Variants in EVI5 observed in about 807,000 individuals in gnomAD.
EVI5 encodes ecotropic viral integration site 5.
A neutral mutation model predicts 112.0 loss-of-function variants in EVI5; 73 were observed. The observed-to-expected ratio is 0.65, with a 90% CI of 0.54 to 0.79. The LOEUF is 0.79. Ranked by LOEUF, EVI5 falls within the 30% of genes least tolerant of loss-of-function variation. The pLI is 0.00. For synonymous variants in EVI5, 305 were observed against 319.9 expected, an observed-to-expected ratio of 0.95 and a Z score of 0.50; for missense variants, 900 against 968.8, an observed-to-expected ratio of 0.93 and a Z score of 0.94.
intron 2 of EVI5, among the ~76,000 whole-genome samples, chr1:92,723,019 C>T (rs910986528): frequency 6.6e-6 from 1 of 152,122 alleles, no homozygotes; most frequent in African/African-American, 2.4e-5. Context: ...AGGTCCTATT[C>T]CTGGGGCTCA....
intron 14 of EVI5, among the ~76,000 whole-genome samples, chr1:92,635,196 C>G (rs1285718319): frequency 6.6e-6 from 1 of 152,208 alleles, no homozygotes; most frequent in Admixed American, 6.5e-5. Flanking sequence ...AACCACTACT[C>G]TCTTCAAAGC....
intron 13 of EVI5, among the ~76,000 whole-genome samples, chr1:92,652,604 C>T (rs1662323781): frequency 1.3e-5 from 2 of 152,158 alleles, no homozygotes; most frequent in Admixed American, 6.5e-5. Context: ...TTTATTGCAA[C>T]ACTACTCACA....
intron 19 of EVI5, among the ~76,000 whole-genome samples, chr1:92,554,116 A>C (rs1279523240): frequency 1.3e-5 from 2 of 152,196 alleles, no homozygotes; most frequent in Non-Finnish European, 1.5e-5. Flanking sequence ...TCTGAATGTC[A>C]AGTTGGACAA....
At chr1:92,708,878 A>G (rs934555211) in intron 2 of EVI5, among the ~76,000 whole-genome samples, 45 of 152,172 alleles carry the variant, frequency 3.0e-4, no homozygotes, top group Non-Finnish European at 4.4e-5. Context: ...ATATTCCATG[A>G]ATACATTTAT....
intron 1 of EVI5, among the ~76,000 whole-genome samples, chr1:92,748,401 C>G (rs568078937): frequency 6.6e-6 from 1 of 152,322 alleles, no homozygotes; most frequent in Admixed American, 6.5e-5. Context: ...GCCCCAGACT[C>G]TAAGTCTTCC....
At chr1:92,568,521 G>A (rs559345334) in intron 18 of EVI5, among the ~76,000 whole-genome samples, 28 of 152,170 alleles carry the variant, frequency 1.8e-4, no homozygotes, top group South Asian at 4.2e-4. Flanking sequence ...AAGCCCTAAC[G>A]TCTAAAGCAT....
intron 1 of EVI5, among the ~76,000 whole-genome samples, chr1:92,743,049 T>G (rs551336650): frequency 2.1e-3 from 326 of 152,326 alleles, no homozygotes; most frequent in African/African-American, 7.5e-3. Context: ...TGGACTATTA[T>G]TCAGCCTTAA....
chr1:92,520,295 G>A (rs1335846998), intron 19 of EVI5, among the ~76,000 whole-genome samples: 1 of 152,136 alleles, frequency 6.6e-6, no homozygotes, highest in African/African-American at 2.4e-5. Context: ...TCCCAGGCCT[G>A]TCTTCAGTCT....
chr1:92,688,985 C>T (rs138976740), intron 9 of EVI5, among the ~76,000 whole-genome samples: 177 of 152,074 alleles, frequency 1.2e-3, no homozygotes, highest in African/African-American at 4.0e-3. Context: ...AGATCATAAA[C>T]AACTAGTAAC....
chr1:92,707,469 CA>C (rs1444258917), intron 2 of EVI5, among the ~76,000 whole-genome samples: 1 of 151,420 alleles, frequency 6.6e-6, no homozygotes, highest in Non-Finnish European at 1.5e-5. Context: ...ACTAAGAAAC[CA>C]AACACCACAC....
intron 9 of EVI5, among the ~76,000 whole-genome samples, chr1:92,691,651 A>T (rs890290847): frequency 6.6e-6 from 1 of 152,226 alleles, no homozygotes; most frequent in Non-Finnish European, 1.5e-5. Flanking sequence ...AAATGAAACA[A>T]CAGAGAGAGA....
At chr1:92,611,807 G>A (rs1651886720) in intron 16 of EVI5, among the ~76,000 whole-genome samples, 1 of 151,956 alleles carries the variant, frequency 6.6e-6, no homozygotes, top group African/African-American at 2.4e-5. Flanking sequence ...TACTTGGGAG[G>A]CTGGGGCAGG....
intron 2 of EVI5, among the ~76,000 whole-genome samples, chr1:92,707,197 A>C (rs1197645651): frequency 3.4e-5 from 5 of 145,634 alleles, no homozygotes; most frequent in East Asian, 4.0e-4. Flanking sequence ...AAAAAAAAAA[A>C]AAACACAAGA....
At chr1:92,583,940 T>A (rs977875453) in intron 18 of EVI5, among the ~76,000 whole-genome samples, 1 of 152,172 alleles carries the variant, frequency 6.6e-6, no homozygotes, top group Non-Finnish European at 1.5e-5. Context: ...CAATTAGTAA[T>A]CTCTCTCTGT....
intron 13 of EVI5, among the ~76,000 whole-genome samples, chr1:92,660,920 A>C (rs1663889835): frequency 6.6e-6 from 1 of 152,006 alleles, no homozygotes; most frequent in African/African-American, 2.4e-5. Flanking sequence ...ACATTTGATG[A>C]ATTTTATTAC....
intron 11 of EVI5, 44 bp from the exon 12 acceptor site, chr1:92,663,496 A>G: frequency 1.0e-6 from 1 of 996,246 alleles, no homozygotes; most frequent in South Asian, 1.8e-5. Context: ...AGAAAGAAAT[A>G]AAAGTGATAA....
chr1:92,570,298 GTTTT>G (rs1217603184), intron 18 of EVI5, among the ~76,000 whole-genome samples: 1 of 150,678 alleles, frequency 6.6e-6, no homozygotes, highest in African/African-American at 2.4e-5. Context: ...CCTTTTAGGT[GTTTT>G]TTTTTTTTTT....
At chr1:92,595,911 T>C (rs147625746) in intron 18 of EVI5, among the ~76,000 whole-genome samples, 6 of 152,340 alleles carry the variant, frequency 3.9e-5, no homozygotes, top group Non-Finnish European at 5.9e-5. Context: ...AGAAAACTTA[T>C]ATAACTACCA....
chr1:92,668,669 A>C (rs1665330900), intron 10 of EVI5, among the ~76,000 whole-genome samples: 1 of 152,234 alleles, frequency 6.6e-6, no homozygotes. Context: ...CCAAATGCTT[A>C]ACACCATTTA....
Sources: gnomAD v4.1 joint callset for allele counts (sites outside exome capture counted in the v4.1 genomes callset) on GRCh38, gnomAD v4.1.1 for gene constraint, MANE v1.5 for transcripts, NCBI Gene and HGNC (gene_info 2026-07-23, HGNC 2026-07-21) for gene names.